The following SMARCC1 variants were observed in gnomAD, a reference collection of about 807,000 sequenced individuals.
SMARCC1 encodes SWI/SNF complex subunit SMARCC1.
Under a neutral mutation model 147.4 loss-of-function variants are expected in SMARCC1, and 43 were observed. The ratio of observed to expected loss-of-function variants is 0.29; its 90% CI spans 0.23 to 0.38. The LOEUF (loss-of-function observed/expected upper bound fraction) is 0.38, where lower values mean the gene tolerates loss of function less well. Among genes scored for constraint, SMARCC1 ranks in the 10% least tolerant of loss-of-function variants. The pLI is 1.00. For synonymous variants in SMARCC1, 495 were observed against 484.4 expected (o/e 1.02, Z -0.29); for missense variants, 1,119 against 1,381.1 (o/e 0.81, Z 3.01).
At chr3:47,607,016 AG>A (rs1325174316) in intron 26 of SMARCC1, among the ~76,000 whole-genome samples, 2 of 152,046 alleles carry the variant, frequency 1.3e-5, no homozygotes, top group African/African-American at 4.8e-5. Context: ...AGCCTGGCCT[AG>A]GAATTTAATT....
intron 2 of SMARCC1, among the ~76,000 whole-genome samples, chr3:47,748,935 T>A (rs891855579): frequency 1.3e-5 from 2 of 152,124 alleles, no homozygotes; most frequent in Non-Finnish European, 2.9e-5. Flanking sequence ...TTTGGGAGGC[T>A]GAGGCAGGAG....
At chr3:47,593,304 C>T (rs1326928887) in intron 26 of SMARCC1, among the ~76,000 whole-genome samples, 2 of 151,492 alleles carry the variant, frequency 1.3e-5, no homozygotes, top group East Asian at 3.9e-4. Context: ...CCCGAGTACC[C>T]GGGATTACAG....
At position 47,636,116 on chromosome 3, in the gene SMARCC1, A is replaced by G; in HGVS notation, c.2397T>C (p.Asn799=). ...QPEKAENKVE[N]ETDEGDKAQD... is the part of the protein sequence containing the mutation. ...GTGCTTTATCACCTTCATCCGTTTC[A>G]TTTTCCACTTTATTTTCTGCCTGAA... The change falls in exon 23 of 28, where the codon AAT becomes AAC. Residue 799 remains asparagine, a synonymous_variant. Coordinates refer to ENST00000254480, the MANE Select transcript of SMARCC1 (RefSeq NM_003074.4). The G allele has an allele frequency of 6.2e-7, 1 of 1,602,826 alleles. No individual in the cohort carries two copies. Among genetic ancestry groups the G allele is most frequent in the Non-Finnish European group, 8.5e-7 (1 of 1,172,024 alleles).
intron 24 of SMARCC1, among the ~76,000 whole-genome samples, chr3:47,623,731 G>A (rs979626612): frequency 1.3e-5 from 2 of 151,940 alleles, no homozygotes; most frequent in Non-Finnish European, 2.9e-5. Context: ...GTTACAAAGA[G>A]GTATAAAATA....
chr3:47,718,041 G>A lies in SMARCC1; in HGVS notation c.716+2625C>T, dbSNP rs1008311018. ...AGGCACCTATGGGTGGCACGTGCCC[G>A]TAGTGCCAGCCCCCAGGGAGGCTGA... On this transcript the variant is annotated intron_variant, in intron 7 of 27. Coordinates refer to ENST00000254480, the MANE Select transcript of SMARCC1 (RefSeq NM_003074.4). 9.3e-5 allele frequency among the ~76,000 whole-genome samples: 14 copies of A among 150,248 alleles called. No homozygotes were observed. The East Asian group carries it at 1.2e-3, about 13-fold the overall frequency.
At chr3:47,594,157 C>G (rs1159118882) in intron 26 of SMARCC1, among the ~76,000 whole-genome samples, 1 of 130,584 alleles carries the variant, frequency 7.7e-6, no homozygotes, top group Non-Finnish European at 1.7e-5. Context: ...AAGAATGAAA[C>G]TCCAAAAAAA....
chr3:47,682,512 C>A (rs1472856664), intron 14 of SMARCC1, among the ~76,000 whole-genome samples: 7 of 152,122 alleles, frequency 4.6e-5, no homozygotes, highest in Admixed American at 4.6e-4. Flanking sequence ...CAGCCTCAGC[C>A]TCTCAAAGTG....
chr3:47,755,668 C>G (rs2034688353), intron 2 of SMARCC1, among the ~76,000 whole-genome samples: 1 of 151,420 alleles, frequency 6.6e-6, no homozygotes, highest in Non-Finnish European at 1.5e-5. Flanking sequence ...ACCACCCTAG[C>G]CAACATGGTT....
chr3:47,619,213 G>A (rs1252247245), intron 25 of SMARCC1, among the ~76,000 whole-genome samples: 2 of 152,112 alleles, frequency 1.3e-5, no homozygotes, highest in African/African-American at 4.8e-5. Context: ...ATACTGTATT[G>A]TCGTTATTTG....
chr3:47,624,363 T>C (rs1193883175), intron 24 of SMARCC1, among the ~76,000 whole-genome samples: 1 of 151,936 alleles, frequency 6.6e-6, no homozygotes, highest in African/African-American at 2.4e-5. Context: ...CAAGAAACAT[T>C]ACTGAAATTT....
chr3:47,740,297 G>C (rs1218233376), intron 3 of SMARCC1, among the ~76,000 whole-genome samples: 5 of 144,174 alleles, frequency 3.5e-5, no homozygotes, highest in African/African-American at 1.3e-4. Context: ...CTGGGTTCAA[G>C]CGATTCTCCT....
chr3:47,686,021 T>C (rs1274394966), intron 14 of SMARCC1, 28 bp downstream of exon 14: 4 of 1,609,178 alleles, frequency 2.5e-6, no homozygotes, highest in African/African-American at 2.7e-5. Flanking sequence ...CTCAGTACCA[T>C]GCTCACAGAT....
At chr3:47,706,933 T>C (rs530450213) in intron 9 of SMARCC1, among the ~76,000 whole-genome samples, 13 of 152,330 alleles carry the variant, frequency 8.5e-5, no homozygotes, top group Admixed American at 7.2e-4. Context: ...TGTAGCATTA[T>C]AGGAATTATT....
intron 23 of SMARCC1, 81 bp downstream of exon 23, chr3:47,635,941 A>G (rs2032962856): frequency 1.4e-6 from 1 of 706,858 alleles, no homozygotes. Context: ...ATGAGGAAAT[A>G]TTTCTATATA....
intron 10 of SMARCC1, among the ~76,000 whole-genome samples, chr3:47,705,957 A>G (rs1402455314): frequency 2.0e-5 from 3 of 152,148 alleles, no homozygotes; most frequent in African/African-American, 4.8e-5. Flanking sequence ...ACTAAGTACA[A>G]AAGTGTAGCC....
At position 47,687,938 on chromosome 3, in the gene SMARCC1, A is replaced by AGG; in HGVS notation, c.1263+1448_1263+1449insCC. Among the ~76,000 whole-genome samples, 3 of 152,318 alleles carry AGG rather than the reference A, an allele frequency of 2.0e-5. No individual in the cohort carries two copies. In the Middle Eastern group the frequency reaches 0.01, roughly 518 times the overall value. On this transcript the variant is annotated intron_variant, in intron 13 of 27. Coordinates refer to ENST00000254480, the MANE Select transcript of SMARCC1 (RefSeq NM_003074.4). ...ATCTCTATTTACTCTAAATAATGAC[A>AGG]TATTTTTGCACAGGTAATGTTCATT...
At chr3:47,772,997 T>C (rs1244597369) in intron 1 of SMARCC1, 61 bp from the exon 2 acceptor site, 1 of 1,551,472 alleles carries the variant, frequency 6.4e-7, no homozygotes, top group Admixed American at 1.7e-5. Context: ...AAATGTTGGC[T>C]TACTTCCTAG....
At chr3:47,671,293 CAG>C (rs1005879774) in intron 18 of SMARCC1, among the ~76,000 whole-genome samples, 6 of 147,662 alleles carry the variant, frequency 4.1e-5, no homozygotes, top group African/African-American at 1.5e-4. Context: ...TGATACTTAA[CAG>C]TATCTTTGGC....
chr3:47,676,285 C>A (rs887454481), intron 17 of SMARCC1, among the ~76,000 whole-genome samples: 2 of 152,112 alleles, frequency 1.3e-5, no homozygotes, highest in Non-Finnish European at 2.9e-5. Context: ...ATTTCTAGAA[C>A]ACAGATTGAA....
Sources: allele counts gnomAD v4.1 joint callset (sites outside exome capture counted in the v4.1 genomes callset), GRCh38; gene constraint gnomAD v4.1.1; transcripts MANE v1.5; gene names NCBI Gene and HGNC (gene_info 2026-07-23, HGNC 2026-07-21).